SLC44A3: variants seen among roughly 807,000 people sequenced by gnomAD.
SLC44A3 encodes solute carrier family 44 member 3.
SLC44A3 carries 74 observed loss-of-function variants against 75.4 expected under a neutral mutation model. That is an observed-to-expected ratio of 0.98 (90% CI 0.81 to 1.19). The LOEUF (loss-of-function observed/expected upper bound fraction) is 1.19. Among genes scored for constraint, SLC44A3 ranks in the 50% most tolerant of loss-of-function variants. SLC44A3 has a pLI of 0.00. For synonymous variants in SLC44A3, 310 were observed against 296.9 expected (o/e 1.04, Z -0.45); for missense variants, 700 against 778.6 (o/e 0.90, Z 1.20).
rs1670617934 is a variant in SLC44A3, at chr1:94,894,992, A to T, written c.*70A>T. 2 of 1,206,304 alleles carry T rather than the reference A, an allele frequency of 1.7e-6. No individual in the cohort carries two copies. Among genetic ancestry groups the T allele is most frequent in the African/African-American group, 3.1e-5 (2 of 64,484 alleles). 74.7% of individuals were successfully genotyped at this position (1,206,304 alleles called of 1,614,324 possible). On this transcript the variant is annotated 3_prime_UTR_variant, in exon 15 of 15. Transcript: ENST00000271227. ...AGCCATTTACAGAATAGAAGATGAG[A>T]CCACTAGAGAAAAGTTAGTGAATTT... is the stretch of plus-strand genomic sequence containing the variant.
chr1:94,892,180 C>A, intron 13 of SLC44A3, 101 bp from the exon 14 acceptor site: 1 of 1,051,298 alleles, frequency 9.5e-7, no homozygotes, highest in Non-Finnish European at 1.4e-6. Context: ...TGCACACACA[C>A]GTTGCACACA....
rs780988174 is a variant in SLC44A3, at chr1:94,857,506, T to TC, written c.1238+8dup. ...GTTACTTGTTATTTCAACAGGTAGG[T>TC]CCAGTGTTTTTTTTCTATTGGTTTG... On this transcript the variant is annotated splice_region_variant and intron_variant, in intron 10 of 14. Transcript: ENST00000271227. 5.6e-6 allele frequency: 9 copies of TC among 1,604,354 alleles called. No individual in the cohort carries two copies. In the African/African-American group the frequency reaches 1.2e-4, roughly 22 times the overall value.
chr1:94,869,035 T>C (rs1041464676), intron 12 of SLC44A3, among the ~76,000 whole-genome samples: 3 of 152,216 alleles, frequency 2.0e-5, no homozygotes, highest in Non-Finnish European at 4.4e-5. Flanking sequence ...CAGCTCCACT[T>C]TATGTGGTTT....
chr1:94,860,928 A>G (rs1323199380), intron 10 of SLC44A3, among the ~76,000 whole-genome samples: 3 of 152,246 alleles, frequency 2.0e-5, no homozygotes, highest in Non-Finnish European at 4.4e-5. Flanking sequence ...AAGGTAGACA[A>G]TGGGCTCCAG....
chr1:94,850,085 TAAA>T (rs958557588), intron 9 of SLC44A3, among the ~76,000 whole-genome samples: 1 of 151,790 alleles, frequency 6.6e-6, no homozygotes, highest in Non-Finnish European at 1.5e-5. Context: ...TTTACTGCAT[TAAA>T]AAAAATAGGA....
At chr1:94,848,108 A>G (rs1043981084) in intron 9 of SLC44A3, among the ~76,000 whole-genome samples, 3 of 152,154 alleles carry the variant, frequency 2.0e-5, no homozygotes, top group Non-Finnish European at 2.9e-5. Context: ...GGGCGCCTAT[A>G]GTCCCAGCTA....
At chr1:94,894,315 A>G (rs1408945411) in intron 14 of SLC44A3, among the ~76,000 whole-genome samples, 1 of 152,230 alleles carries the variant, frequency 6.6e-6, no homozygotes, top group Non-Finnish European at 1.5e-5. Flanking sequence ...CCCAAAGCAC[A>G]GGATGAAGCT....
intron 12 of SLC44A3, among the ~76,000 whole-genome samples, chr1:94,874,033 GA>G (rs1668028621): frequency 6.6e-6 from 1 of 152,182 alleles, no homozygotes. Flanking sequence ...GAGAGCTCTG[GA>G]GAGATGCCTC....
intron 10 of SLC44A3, 121 bp from the exon 11 acceptor site, chr1:94,864,622 G>T: frequency 1.9e-6 from 2 of 1,032,402 alleles, no homozygotes; most frequent in Non-Finnish European, 2.7e-6. Flanking sequence ...TAAAAAGTTC[G>T]CCAAATGCTT....
At chr1:94,891,768 C>G (rs1670240153) in intron 13 of SLC44A3, among the ~76,000 whole-genome samples, 1 of 151,878 alleles carries the variant, frequency 6.6e-6, no homozygotes, top group Non-Finnish European at 1.5e-5. Flanking sequence ...ACTAAAAATA[C>G]AAAAATTAGC....
chr1:94,891,418 A>G (rs1670194681), intron 13 of SLC44A3, 151 bp downstream of exon 13: 1 of 847,658 alleles, frequency 1.2e-6, no homozygotes, highest in Non-Finnish European at 1.8e-6. Flanking sequence ...CCCATGAGGT[A>G]TCCCTACTTT....
chr1:94,892,223 CA>C (rs1571493593), intron 13 of SLC44A3, 57 bp from the exon 14 acceptor site: 3 of 1,508,178 alleles, frequency 2.0e-6, no homozygotes, highest in Non-Finnish European at 2.7e-6. Context: ...TTGTAACTGA[CA>C]AAAACATCTA....
At position 94,857,342 on chromosome 1, in the gene SLC44A3, C is replaced by T; in HGVS notation, c.1080C>T (p.Ala360=). The change falls in exon 10 of 15, where the codon GCC becomes GCT. Residue 360 remains alanine (A), a synonymous_variant. Coordinates refer to ENST00000271227, the MANE Select transcript of SLC44A3 (RefSeq NM_001114106.3). ...TTGTGTTTGAAACTTTAGGAGCTGCCCAGGTTATGGAAGGCGGCCAAGTGG... is the reference window on the plus strand; with the variant it reads ...TTGTGTTTGAAACTTTAGGAGCTGCTCAGGTTATGGAAGGCGGCCAAGTGG... The part of the protein sequence containing the change: ...VLLSLGTAGA[A]QVMEGGQVEY... 1 of 1,604,014 alleles carries T rather than the reference C, an allele frequency of 6.2e-7. No homozygotes were observed. The highest frequency in any genetic ancestry group is 8.5e-7 in the Non-Finnish European group (1 of 1,176,360).
At chr1:94,881,856 CAA>C (rs11435512) in intron 12 of SLC44A3, among the ~76,000 whole-genome samples, 1 of 138,956 alleles carries the variant, frequency 7.2e-6, no homozygotes, top group African/African-American at 2.7e-5. Context: ...ACTAAAAATA[CAA>C]AAAAAAAAAA....
At chr1:94,861,866 G>T (rs1249897748) in intron 10 of SLC44A3, among the ~76,000 whole-genome samples, 1 of 152,216 alleles carries the variant, frequency 6.6e-6, no homozygotes, top group Non-Finnish European at 1.5e-5. Flanking sequence ...GGTGGTGTTA[G>T]GGATGTGATA....
chr1:94,884,035 A>AT (rs10665162), intron 12 of SLC44A3, among the ~76,000 whole-genome samples: 89,990 of 152,034 alleles, frequency 0.59, 27,218 homozygotes, highest in African/African-American at 0.71. Flanking sequence ...GTGTTGTTTG[A>AT]TTTTTTTAAG....
intron 10 of SLC44A3, 40 bp downstream of exon 10, chr1:94,857,540 G>T: frequency 6.4e-7 from 1 of 1,560,634 alleles, no homozygotes; most frequent in Non-Finnish European, 8.7e-7. Context: ...TGTCTATGTG[G>T]TTTATCTATG....
intron 14 of SLC44A3, among the ~76,000 whole-genome samples, chr1:94,893,699 C>T (rs190822055): frequency 1.3e-5 from 2 of 152,024 alleles, no homozygotes; most frequent in East Asian, 3.9e-4. Context: ...TTACTTTTTA[C>T]TTGTTTATTG....
intron 10 of SLC44A3, among the ~76,000 whole-genome samples, chr1:94,862,037 G>C (rs1279247577): frequency 6.6e-6 from 1 of 152,206 alleles, no homozygotes; most frequent in African/African-American, 2.4e-5. Context: ...GGTAGAGATA[G>C]ATGAATTTCC....
Sources: gnomAD v4.1 joint callset for allele counts (sites outside exome capture counted in the v4.1 genomes callset) on GRCh38, gnomAD v4.1.1 for gene constraint, MANE v1.5 for transcripts, NCBI Gene and HGNC (gene_info 2026-07-23, HGNC 2026-07-21) for gene names.